Variants in EIF4G3 observed in about 807,000 individuals in gnomAD.
The protein encoded by EIF4G3 is eIF-4-gamma 3.
Under a neutral mutation model 186.4 loss-of-function variants are expected in EIF4G3, and 34 were observed. The observed-to-expected ratio is 0.18, with a 90% CI of 0.14 to 0.24. EIF4G3 has a LOEUF of 0.24. EIF4G3 is among the 10% of genes least tolerant of loss of function. The probability of loss-of-function intolerance (pLI) is 1.00; values close to 1 mark genes in which losing one functional copy is unlikely to be tolerated. For missense variants in EIF4G3, 1,536 were observed against 1,948.5 expected (o/e 0.79, Z 3.99); for synonymous variants, 673 against 679.5 (o/e 0.99, Z 0.15).
At chr1:21,067,577 A>G (rs940672574) in intron 3 of EIF4G3, among the ~76,000 whole-genome samples, 3 of 152,204 alleles carry the variant, frequency 2.0e-5, no homozygotes, top group Non-Finnish European at 4.4e-5. Flanking sequence ...AAGACATAAA[A>G]TTTTTAATAA....
At chr1:20,993,260 A>G (rs1265035628) in intron 7 of EIF4G3, among the ~76,000 whole-genome samples, 1 of 152,228 alleles carries the variant, frequency 6.6e-6, no homozygotes, top group Non-Finnish European at 1.5e-5. Context: ...AACAGAGTTA[A>G]AAGACCTTTT....
chr1:21,132,465 AC>A (rs1347567516), intron 2 of EIF4G3, among the ~76,000 whole-genome samples: 2 of 152,198 alleles, frequency 1.3e-5, no homozygotes, highest in Non-Finnish European at 2.9e-5. Flanking sequence ...TGTTTTTGAA[AC>A]AGAGTCTTGC....
intron 7 of EIF4G3, among the ~76,000 whole-genome samples, chr1:20,988,762 A>G (rs2080176598): frequency 6.6e-6 from 1 of 152,000 alleles, no homozygotes; most frequent in Admixed American, 6.6e-5. Flanking sequence ...CAGCCTATGG[A>G]TCAAGGAGTA....
At chr1:21,054,683 A>G (rs1402473583) in intron 3 of EIF4G3, among the ~76,000 whole-genome samples, 1 of 152,128 alleles carries the variant, frequency 6.6e-6, no homozygotes, top group Non-Finnish European at 1.5e-5. Flanking sequence ...TGCTCAGGGA[A>G]AAAGGAAAAT....
chr1:21,125,286 C>A (rs1224186463), intron 2 of EIF4G3, among the ~76,000 whole-genome samples: 1 of 152,012 alleles, frequency 6.6e-6, no homozygotes, highest in Non-Finnish European at 1.5e-5. Context: ...TACTGGGAAA[C>A]GAAAATAGGG....
intron 4 of EIF4G3, among the ~76,000 whole-genome samples, chr1:21,012,495 T>C (rs1443680258): frequency 6.6e-6 from 1 of 152,106 alleles, no homozygotes; most frequent in Admixed American, 6.5e-5. Context: ...ATCACCAAGA[T>C]AACAGACTAC....
chr1:20,902,174 C>T (rs2090543403), intron 15 of EIF4G3, among the ~76,000 whole-genome samples: 1 of 151,964 alleles, frequency 6.6e-6, no homozygotes, highest in African/African-American at 2.4e-5. Flanking sequence ...AGCGATTCTC[C>T]TGCCTCAGCC....
intron 2 of EIF4G3, among the ~76,000 whole-genome samples, chr1:21,092,861 ATTT>A (rs2096248830): frequency 6.6e-6 from 1 of 152,214 alleles, no homozygotes; most frequent in Non-Finnish European, 1.5e-5. Context: ...AAGATTCCCT[ATTT>A]AATAAACGGT....
chr1:20,991,992 C>T (rs917890839), intron 7 of EIF4G3, among the ~76,000 whole-genome samples: 1 of 152,168 alleles, frequency 6.6e-6, no homozygotes, highest in East Asian at 1.9e-4. Flanking sequence ...CATTTATTAG[C>T]ATATTTTACC....
intron 4 of EIF4G3, among the ~76,000 whole-genome samples, chr1:21,025,042 T>A (rs2091850313): frequency 6.6e-6 from 1 of 152,098 alleles, no homozygotes; most frequent in South Asian, 2.1e-4. Context: ...ATGGTGAGCT[T>A]GCAGTCAGCC....
chr1:21,117,736 T>TAAGAAAAAAAAAAAAAAAAAAA (rs2096850202), intron 2 of EIF4G3, among the ~76,000 whole-genome samples: 1 of 73,088 alleles, frequency 1.4e-5, no homozygotes, highest in Non-Finnish European at 2.6e-5. Flanking sequence ...CAGTATATAG[T>TAAGAAAAAAAAAAAAAAAAAAA]AAAAAAAAAA....
chr1:20,823,221 C>G (rs2062825724), intron 33 of EIF4G3, among the ~76,000 whole-genome samples: 1 of 152,082 alleles, frequency 6.6e-6, no homozygotes, highest in African/African-American at 2.4e-5. Context: ...ACTGTCTCTT[C>G]AAATATTGCC....
chr1:21,107,062 C>T (rs2096630384), intron 2 of EIF4G3, among the ~76,000 whole-genome samples: 1 of 152,168 alleles, frequency 6.6e-6, no homozygotes, highest in Non-Finnish European at 1.5e-5. Context: ...AAAATGCAAA[C>T]TCTCTCCTGG....
rs762276818 is a variant in EIF4G3 at position 20,942,049 on chromosome 1, T to C, written c.1105A>G (p.Ile369Val). ...TCTGTGCAAGATGTGAGGCTGGGTA[T>C]AGGAATTGTGTCTTCTCTTGGGGAT... ...LSSPREDTIPIPSLTSCTETS... is the reference protein window; with the variant it reads ...LSSPREDTIPVPSLTSCTETS... The change falls in exon 14 of 37, where the codon ATA (isoleucine) becomes GTA (valine). Residue 369 changes from isoleucine to valine, a missense_variant. Physicochemically the swap from Ile to Val is conservative, Grantham distance 29. This residue lies in a region of EIF4G3 where 560 missense variants were observed against 547.8 expected (regional missense o/e 1.02). Transcript: ENST00000602326. 57 of 1,614,056 alleles carry C rather than the reference T, an allele frequency of 3.5e-5. No homozygotes were observed. The highest frequency in any genetic ancestry group is 4.0e-5 in the Non-Finnish European group (47 of 1,180,014).
intron 4 of EIF4G3, among the ~76,000 whole-genome samples, chr1:21,049,242 GCACCACAGTGGCTCTTCTAC>G (rs1172375259): frequency 6.6e-6 from 1 of 152,194 alleles, no homozygotes; most frequent in Admixed American, 6.5e-5. Context: ...GTTCTGAACA[GCACCACAGTGGCTCTTCTAC>G]CACAGCCTTT....
chr1:20,837,854 G>A (rs951541530), intron 30 of EIF4G3, among the ~76,000 whole-genome samples: 11 of 151,978 alleles, frequency 7.2e-5, no homozygotes, highest in African/African-American at 2.4e-4. Context: ...CTTAGAAAAA[G>A]GTGGCACTAA....
At chr1:21,123,500 G>A (rs1286831984) in intron 2 of EIF4G3, among the ~76,000 whole-genome samples, 1 of 151,064 alleles carries the variant, frequency 6.6e-6, no homozygotes, top group Non-Finnish European at 1.5e-5. Flanking sequence ...GGGAGGCAAA[G>A]GTTACAGTGG....
chr1:21,166,558 TC>T (rs953136635), intron 2 of EIF4G3, among the ~76,000 whole-genome samples: 2 of 152,010 alleles, frequency 1.3e-5, no homozygotes, highest in Non-Finnish European at 2.9e-5. Context: ...AAACCCCATC[TC>T]TACTAAAAAT....
chr1:20,993,659 G>C (rs954689058), intron 7 of EIF4G3, among the ~76,000 whole-genome samples: 1 of 152,106 alleles, frequency 6.6e-6, no homozygotes, highest in African/African-American at 2.4e-5. Flanking sequence ...AGGACGTAAA[G>C]TGATCAGAAA....
Sources: allele counts gnomAD v4.1 joint callset (sites outside exome capture counted in the v4.1 genomes callset), GRCh38; gene constraint gnomAD v4.1.1; regional missense constraint gnomAD v4.1.1; transcripts MANE v1.5; gene names NCBI Gene and HGNC (gene_info 2026-07-23, HGNC 2026-07-21).